The following SULF1 variants were observed in gnomAD, a reference collection of about 807,000 sequenced individuals.
The protein encoded by SULF1 is extracellular sulfatase Sulf-1.
A neutral mutation model predicts 110.5 loss-of-function variants in SULF1; 46 were observed. That is an observed-to-expected ratio of 0.42 (90% CI 0.33 to 0.53). The LOEUF is 0.53. Ranked by LOEUF, SULF1 falls within the 20% of genes least tolerant of loss-of-function variation. The pLI, the probability that SULF1 is intolerant of heterozygous loss-of-function variation, is 0.12. For synonymous variants in SULF1, 371 were observed against 387.1 expected, an observed-to-expected ratio of 0.96 and a Z score of 0.49; for missense variants, 941 against 1,094.2, an observed-to-expected ratio of 0.86 and a Z score of 1.98.
intron 14 of SULF1, among the ~76,000 whole-genome samples, chr8:69,622,225 T>C (rs886287352): frequency 1.3e-5 from 2 of 152,186 alleles, no homozygotes; most frequent in African/African-American, 4.8e-5. Context: ...GGGAGACTTT[T>C]TTTCTTCCCT....
In SULF1 at chr8:69,570,522, G is replaced by A. The variant is rs114232825; in HGVS notation, c.173-5448G>A. 5.2e-3 allele frequency among the ~76,000 whole-genome samples: 794 copies of A among 152,226 alleles called. 6 individuals are homozygous for A. The highest frequency in any genetic ancestry group is 0.017 in the African/African-American group (723 of 41,532). ...TCCAAATTAGGGGGACATTTTCTCC[G>A]ATCCTTTTTCATACAAATGATTTTT... On this transcript the variant is annotated intron_variant, in intron 5 of 22. Coordinates refer to ENST00000402687, the MANE Select transcript of SULF1 (RefSeq NM_001128205.2).
At chr8:69,558,628 G>A (rs940625375) in intron 3 of SULF1, among the ~76,000 whole-genome samples, 6 of 152,116 alleles carry the variant, frequency 3.9e-5, no homozygotes, top group Non-Finnish European at 7.4e-5. Flanking sequence ...CAGTTTCAAG[G>A]CTTTAAGGAA....
At chr8:69,585,514 G>A (rs1806391747) in intron 6 of SULF1, among the ~76,000 whole-genome samples, 1 of 152,068 alleles carries the variant, frequency 6.6e-6, no homozygotes, top group Non-Finnish European at 1.5e-5. Flanking sequence ...TTTTGCAGAA[G>A]ACCAAATTTC....
chr8:69,566,499 T>G (rs1815892581), intron 5 of SULF1, among the ~76,000 whole-genome samples: 1 of 152,172 alleles, frequency 6.6e-6, no homozygotes. Flanking sequence ...ACCCAGATAT[T>G]TCCTACATAT....
chr8:69,519,030 C>T (rs1040084681), intron 3 of SULF1, among the ~76,000 whole-genome samples: 2 of 152,182 alleles, frequency 1.3e-5, no homozygotes, highest in Non-Finnish European at 2.9e-5. Flanking sequence ...GTGGAGCATA[C>T]ATTACTTGTG....
chr8:69,508,892 G>A (rs774221784), intron 3 of SULF1, among the ~76,000 whole-genome samples: 7 of 152,120 alleles, frequency 4.6e-5, no homozygotes, highest in East Asian at 1.9e-4. Flanking sequence ...TGCTGGAGGC[G>A]TTATAGGTAT....
intron 3 of SULF1, among the ~76,000 whole-genome samples, chr8:69,525,541 G>C (rs1250798014): frequency 6.6e-6 from 1 of 152,116 alleles, no homozygotes; most frequent in African/African-American, 2.4e-5. Flanking sequence ...AAAAGGAAAA[G>C]AATATTAAGT....
intron 3 of SULF1, among the ~76,000 whole-genome samples, chr8:69,555,778 G>C (rs1318511093): frequency 5.9e-5 from 9 of 152,204 alleles, no homozygotes; most frequent in Non-Finnish European, 1.3e-4. Context: ...TTTTCAGATG[G>C]TATATTTATG....
intron 13 of SULF1, among the ~76,000 whole-genome samples, chr8:69,617,056 A>C (rs1809205851): frequency 6.6e-6 from 1 of 152,134 alleles, no homozygotes; most frequent in Non-Finnish European, 1.5e-5. Flanking sequence ...TTTAAGACAG[A>C]TATACATACA....
At chr8:69,637,588 T>G (rs906493713) in intron 19 of SULF1, 3 of 153,872 alleles carry the variant, frequency 1.9e-5, no homozygotes, top group African/African-American at 7.2e-5. Context: ...TATTCCAATA[T>G]CAAACAGCAA....
intron 8 of SULF1, among the ~76,000 whole-genome samples, chr8:69,594,739 A>T (rs1052472805): frequency 6.6e-6 from 1 of 152,176 alleles, no homozygotes; most frequent in Non-Finnish European, 1.5e-5. Flanking sequence ...TTTGGGCAGA[A>T]CTCATTGCTC....
At position 69,588,943 on chromosome 8, in the gene SULF1, T is replaced by G. The variant is rs775838347; in HGVS notation, c.565-29T>G. ...TCTGATGAATGTCACCTTTTGTAAT[T>G]TTTGTTTTGTGTCAAATGTATGTTT... is the stretch of plus-strand genomic sequence containing the variant. On this transcript the variant is annotated intron_variant, in intron 7 of 22. Coordinates refer to ENST00000402687, the MANE Select transcript of SULF1 (RefSeq NM_001128205.2). 6.3e-6 allele frequency: 10 copies of G among 1,593,790 alleles called. No individual in the cohort carries two copies. In the Admixed American group the frequency reaches 1.7e-4, roughly 27 times the overall value.
chr8:69,551,683 C>T (rs959096762), intron 3 of SULF1, among the ~76,000 whole-genome samples: 4 of 152,212 alleles, frequency 2.6e-5, no homozygotes, highest in Non-Finnish European at 4.4e-5. Context: ...ACGGAAGAGA[C>T]TTGCAACACC....
At chr8:69,494,507 A>T (rs112986727) in intron 1 of SULF1, among the ~76,000 whole-genome samples, 5,444 of 152,290 alleles carry the variant, frequency 0.036, 300 homozygotes, top group African/African-American at 0.12. Flanking sequence ...CTCCCATGAA[A>T]TTCTAAGGTA....
At chr8:69,516,386 T>TA (rs11322683) in intron 3 of SULF1, among the ~76,000 whole-genome samples, 350 of 148,486 alleles carry the variant, frequency 2.4e-3, no homozygotes, top group African/African-American at 7.5e-3. Context: ...GCTACACACT[T>TA]AAAAAAAAAA....
At chr8:69,645,376 G>A (rs1811814772) in intron 22 of SULF1, among the ~76,000 whole-genome samples, 1 of 152,186 alleles carries the variant, frequency 6.6e-6, no homozygotes, top group Non-Finnish European at 1.5e-5. Context: ...TCCCCAGGCT[G>A]CGGAATGAAA....
intron 22 of SULF1, among the ~76,000 whole-genome samples, chr8:69,657,961 C>G (rs1258519890): frequency 5.9e-5 from 9 of 152,122 alleles, no homozygotes; most frequent in Non-Finnish European, 1.3e-4. Context: ...GAAATAAATC[C>G]AGGCATTTGA....
chr8:69,606,001 A>G (rs773309912), intron 13 of SULF1, among the ~76,000 whole-genome samples: 1 of 152,188 alleles, frequency 6.6e-6, no homozygotes, highest in Non-Finnish European at 1.5e-5. Flanking sequence ...AGTCTTTTTT[A>G]ACTTAACTGA....
intron 8 of SULF1, among the ~76,000 whole-genome samples, chr8:69,594,180 T>C (rs1470898287): frequency 6.6e-6 from 1 of 152,124 alleles, no homozygotes; most frequent in Non-Finnish European, 1.5e-5. Context: ...GCCTCCTGAG[T>C]AGCTGGAATT....
Sources: allele counts gnomAD v4.1 joint callset (sites outside exome capture counted in the v4.1 genomes callset), GRCh38; gene constraint gnomAD v4.1.1; transcripts MANE v1.5; gene names NCBI Gene and HGNC (gene_info 2026-07-23, HGNC 2026-07-21).